NOSTRIN: variants seen among roughly 807,000 people sequenced by gnomAD.
NOSTRIN encodes nitric oxide synthase trafficking, also known as BM247 homolog.
NOSTRIN carries 63 observed loss-of-function variants against 59.0 expected under a neutral mutation model. That is an observed-to-expected ratio of 1.07 (90% CI 0.87 to 1.32). The LOEUF is 1.32. Among genes scored for constraint, NOSTRIN ranks in the 40% most tolerant of loss-of-function variants. The pLI, the probability that NOSTRIN is intolerant of heterozygous loss-of-function variation, is 0.00. For synonymous variants in NOSTRIN, 200 were observed against 165.4 expected (o/e 1.21, Z -1.61); for missense variants, 512 against 473.1 (o/e 1.08, Z -0.76).
chr2:168,838,791 T>C (rs1417454251), intron 7 of NOSTRIN, among the ~76,000 whole-genome samples: 1 of 146,154 alleles, frequency 6.8e-6, no homozygotes, highest in Non-Finnish European at 1.5e-5. Flanking sequence ...AAAAAACTCT[T>C]TTTTTTTTTT....
intron 1 of NOSTRIN, among the ~76,000 whole-genome samples, chr2:168,804,675 A>G (rs1450571657): frequency 6.6e-6 from 1 of 152,210 alleles, no homozygotes; most frequent in Non-Finnish European, 1.5e-5. Flanking sequence ...AGCACAGTTC[A>G]TAAAGTATTA....
chr2:168,795,586 T>G (rs920195045), upstream of NOSTRIN, among the ~76,000 whole-genome samples: 2 of 152,226 alleles, frequency 1.3e-5, no homozygotes, highest in Non-Finnish European at 2.9e-5. Context: ...ACCTGGAGTT[T>G]TAAAATTATA....
chr2:168,834,482 TACTGGCGTGCGCGCGCGCGCGCGCGC>T (rs1559122696), intron 7 of NOSTRIN, among the ~76,000 whole-genome samples, 157 bp downstream of exon 7: 1 of 89,852 alleles, frequency 1.1e-5, no homozygotes, highest in Non-Finnish European at 2.3e-5. Flanking sequence ...TCCAAATCAT[TACTGGCGTGCGCGCGCGCGCGCGCGC>T]ACACACACAC....
chr2:168,852,653 C>T (rs558627076), intron 10 of NOSTRIN, among the ~76,000 whole-genome samples: 2 of 152,278 alleles, frequency 1.3e-5, no homozygotes, highest in South Asian at 2.1e-4. Context: ...ACAGCCAAAG[C>T]TGACCTCCCT....
At chr2:168,798,792 T>G (rs895638795), upstream of NOSTRIN, among the ~76,000 whole-genome samples, 2 of 130,332 alleles carry the variant, frequency 1.5e-5, no homozygotes, top group African/African-American at 5.9e-5. Context: ...TTGGAGGAGA[T>G]GCTTCGATCG....
intron 10 of NOSTRIN, among the ~76,000 whole-genome samples, chr2:168,853,921 G>A (rs188211197): frequency 6.6e-6 from 1 of 152,358 alleles, no homozygotes; most frequent in Non-Finnish European, 1.5e-5. Context: ...AGGCTGGAGT[G>A]TAGTGGCACA....
intron 2 of NOSTRIN, among the ~76,000 whole-genome samples, chr2:168,816,608 C>A (rs1379761475): frequency 1.3e-5 from 2 of 152,220 alleles, no homozygotes; most frequent in South Asian, 4.1e-4. Context: ...TCTTTAAGAT[C>A]CAGTCATCCC....
chr2:168,834,507 G>GCACACACACACA (rs1553527194), intron 7 of NOSTRIN, among the ~76,000 whole-genome samples, 182 bp downstream of exon 7: 214 of 125,404 alleles, frequency 1.7e-3, no homozygotes, highest in Middle Eastern at 8.3e-3. Flanking sequence ...GCGCGCGCGC[G>GCACACACACACA]CACACACACA....
chr2:168,792,396 A>G (rs1685381334), intron 2 of NOSTRIN, among the ~76,000 whole-genome samples: 1 of 152,082 alleles, frequency 6.6e-6, no homozygotes, highest in African/African-American at 2.4e-5. Context: ...TAAGTTTTTG[A>G]ATTAGAATAG....
At chr2:168,812,728 C>A (rs1349603780) in intron 2 of NOSTRIN, among the ~76,000 whole-genome samples, 1 of 152,228 alleles carries the variant, frequency 6.6e-6, no homozygotes, top group Non-Finnish European at 1.5e-5. Flanking sequence ...GCTCCTAGAT[C>A]CTCTGGCACC....
chr2:168,845,110 C>T (rs887348167), intron 8 of NOSTRIN, among the ~76,000 whole-genome samples: 1 of 152,016 alleles, frequency 6.6e-6, no homozygotes, highest in Non-Finnish European at 1.5e-5. Context: ...TTAATTTACA[C>T]CTTTGAACAT....
chr2:168,843,400 C>T (rs539809938), intron 8 of NOSTRIN, among the ~76,000 whole-genome samples: 1 of 152,248 alleles, frequency 6.6e-6, no homozygotes, highest in East Asian at 1.9e-4. Context: ...CAAAGTGAAG[C>T]GTAAATTAAG....
intron 13 of NOSTRIN, among the ~76,000 whole-genome samples, chr2:168,860,282 T>C (rs1240122084): frequency 1.3e-5 from 2 of 152,196 alleles, no homozygotes; most frequent in Non-Finnish European, 2.9e-5. Flanking sequence ...CTATAAAGTA[T>C]AGTAATTGTG....
intron 12 of NOSTRIN, among the ~76,000 whole-genome samples, chr2:168,857,650 T>C (rs940523528): frequency 1.3e-5 from 2 of 152,238 alleles, no homozygotes; most frequent in Admixed American, 6.5e-5. Context: ...ATAGCACCAG[T>C]GTGCAACATA....
chr2:168,840,549 A>C (rs998577207), intron 7 of NOSTRIN, among the ~76,000 whole-genome samples: 3 of 151,356 alleles, frequency 2.0e-5, no homozygotes, highest in Non-Finnish European at 2.9e-5. Context: ...AAAAAAAAAA[A>C]AACAAAAAAA....
intron 8 of NOSTRIN, among the ~76,000 whole-genome samples, chr2:168,846,792 C>T (rs984558348): frequency 6.6e-6 from 1 of 152,088 alleles, no homozygotes; most frequent in African/African-American, 2.4e-5. Flanking sequence ...CCTCTAAATC[C>T]CAGAACACAG....
intron 7 of NOSTRIN, among the ~76,000 whole-genome samples, chr2:168,840,518 A>G (rs1688018396): frequency 7.8e-6 from 1 of 128,500 alleles, no homozygotes. Context: ...GGACAGGGCG[A>G]GACTCCATCT....
chr2:168,844,470 C>T (rs939164131), intron 8 of NOSTRIN, among the ~76,000 whole-genome samples: 2 of 152,096 alleles, frequency 1.3e-5, no homozygotes, highest in African/African-American at 2.4e-5. Flanking sequence ...GTACTTGGTG[C>T]TCAGTGCTCC....
At position 168,837,370 on chromosome 2, in the gene NOSTRIN, C is replaced by A. The variant is rs377618466; in HGVS notation, c.504+3045C>A. On this transcript the variant is annotated intron_variant, in intron 7 of 15. Coordinates refer to ENST00000317647, the MANE Select transcript of NOSTRIN (RefSeq NM_001039724.4). Reference sequence around the variant, plus strand: ...TGTCGCCCAGGCTGGAGTGCAGTGGCGCGATCTCGGCTTACTGCAAGCTCC... The same window carrying A: ...TGTCGCCCAGGCTGGAGTGCAGTGGAGCGATCTCGGCTTACTGCAAGCTCC... Among the ~76,000 whole-genome samples the A allele has an allele frequency of 1.9e-4, 23 of 119,284 alleles. No individual in the cohort carries two copies. The East Asian group carries it at 5.7e-3, about 29-fold the overall frequency. The allele number at this position is 119,284 out of a possible 152,430, so 78.3% of individuals were successfully genotyped here.
Sources: gnomAD v4.1 joint callset for allele counts (sites outside exome capture counted in the v4.1 genomes callset) on GRCh38, gnomAD v4.1.1 for gene constraint, MANE v1.5 for transcripts, NCBI Gene and HGNC (gene_info 2026-07-23, HGNC 2026-07-21) for gene names.